The following ATP8B4 variants were observed in gnomAD, a reference collection of about 807,000 sequenced individuals.
ATP8B4 encodes the protein probable phospholipid-transporting ATPase IM.
A neutral mutation model predicts 145.6 loss-of-function variants in ATP8B4; 133 were observed. The observed-to-expected ratio is 0.91, with a 90% confidence interval of 0.79 to 1.05. The LOEUF (loss-of-function observed/expected upper bound fraction) is 1.05. ATP8B4 is among the 50% of genes least tolerant of loss of function. ATP8B4 has a pLI of 0.00. For synonymous variants in ATP8B4, 507 were observed against 492.9 expected (o/e 1.03, Z -0.38); for missense variants, 1,458 against 1,425.2 (o/e 1.02, Z -0.37).
At position 49,898,078 on chromosome 15, in the gene ATP8B4, G is replaced by A; in HGVS notation, c.2463C>T (p.Ser821=). Residue 821 remains serine, a synonymous_variant, in exon 22 of 28, where the codon AGC becomes AGT. Transcript: ENST00000284509. ...CAAATATCCTCTTACTTTTAATCATGCTGACATCATTGGCTCCATCACCAA... is the reference window on the plus strand; with the variant it reads ...CAAATATCCTCTTACTTTTAATCATACTGACATCATTGGCTCCATCACCAA... ...LAIGDGANDV[S]MIKSAHIGVG... 1 of 1,613,638 alleles carries A rather than the reference G, an allele frequency of 6.2e-7. No individual in the cohort carries two copies. The highest frequency in any genetic ancestry group is 8.5e-7 in the Non-Finnish European group (1 of 1,179,750).
chr15:50,003,070 A>G (rs2048023898), intron 7 of ATP8B4, among the ~76,000 whole-genome samples: 1 of 152,206 alleles, frequency 6.6e-6, no homozygotes, highest in African/African-American at 2.4e-5. Context: ...AATTTTAGCA[A>G]TTTAGTTTGA....
At chr15:49,910,875 A>G (rs2039155236) in intron 20 of ATP8B4, among the ~76,000 whole-genome samples, 1 of 152,128 alleles carries the variant, frequency 6.6e-6, no homozygotes, top group South Asian at 2.1e-4. Context: ...ATTCAACACT[A>G]CTAGAAAAGC....
chr15:50,044,742 A>G (rs763756693), intron 4 of ATP8B4, 50 bp from the exon 5 acceptor site: 2 of 1,318,458 alleles, frequency 1.5e-6, no homozygotes, highest in Admixed American at 3.5e-5. Flanking sequence ...TAGAAAATAT[A>G]TCTTCCAAAC....
chr15:49,879,374 A>C lies in ATP8B4; in HGVS notation c.2781+2T>G. On this transcript the variant is annotated splice_donor_variant, in intron 24 of 27. Transcript: ENST00000284509. LOFTEE classifies it high-confidence loss of function. ...AGTTATAAAGATGGAAAAAAAACATACCTGGTCAAAAATCCCCATGGCTAA... is the reference window on the plus strand; with the variant it reads ...AGTTATAAAGATGGAAAAAAAACATCCCTGGTCAAAAATCCCCATGGCTAA... 6.2e-7 allele frequency: 1 copy of C among 1,606,674 alleles called. No individual in the cohort carries two copies. Among genetic ancestry groups the C allele is most frequent in the Non-Finnish European group, 8.5e-7 (1 of 1,175,868 alleles).
intron 8 of ATP8B4, 38 bp downstream of exon 8, chr15:50,002,115 T>A: frequency 6.6e-7 from 1 of 1,523,968 alleles, no homozygotes; most frequent in Non-Finnish European, 9.0e-7. Context: ...TTAAATAAAT[T>A]AAAAACCAAC....
chr15:50,121,808 C>G (rs1024557908), upstream of ATP8B4, among the ~76,000 whole-genome samples: 2 of 152,140 alleles, frequency 1.3e-5, no homozygotes, highest in African/African-American at 4.8e-5. Context: ...TTACTTTTGA[C>G]AAACGTCCTT....
At chr15:49,885,096 C>A (rs887320584) in intron 23 of ATP8B4, among the ~76,000 whole-genome samples, 4 of 152,240 alleles carry the variant, frequency 2.6e-5, no homozygotes, top group African/African-American at 9.6e-5. Context: ...TTCGTCATGT[C>A]CTAAGAGCCC....
At chr15:50,127,144 A>G (rs1249020830) in intron 1 of ATP8B4, among the ~76,000 whole-genome samples, 1 of 152,174 alleles carries the variant, frequency 6.6e-6, no homozygotes, top group Admixed American at 6.5e-5. Context: ...GGTCAAACCA[A>G]TAGCCTCCAT....
chr15:49,937,783 A>G (rs985131948), intron 14 of ATP8B4, among the ~76,000 whole-genome samples: 1 of 152,234 alleles, frequency 6.6e-6, no homozygotes, highest in Non-Finnish European at 1.5e-5. Context: ...CCAGAATTTC[A>G]GGATATATCA....
At chr15:50,125,487 C>T (rs1022857358) in intron 1 of ATP8B4, among the ~76,000 whole-genome samples, 1 of 152,130 alleles carries the variant, frequency 6.6e-6, no homozygotes, top group African/African-American at 2.4e-5. Flanking sequence ...CATTCTTCAC[C>T]ATTTTCCAAG....
intron 3 of ATP8B4, among the ~76,000 whole-genome samples, chr15:50,060,552 T>C (rs1251334802): frequency 6.6e-6 from 1 of 152,158 alleles, no homozygotes; most frequent in Non-Finnish European, 1.5e-5. Context: ...ATACCTGCCA[T>C]GCAGAGTTGT....
At chr15:50,088,111 G>C (rs1439146113) in intron 2 of ATP8B4, among the ~76,000 whole-genome samples, 1 of 151,912 alleles carries the variant, frequency 6.6e-6, no homozygotes, top group Non-Finnish European at 1.5e-5. Context: ...ATCCAGGTTG[G>C]GCACGGTGGC....
intron 13 of ATP8B4, among the ~76,000 whole-genome samples, chr15:49,963,209 A>G (rs1410374109): frequency 6.6e-6 from 1 of 152,218 alleles, no homozygotes; most frequent in Admixed American, 6.5e-5. Context: ...GCAAATCAAA[A>G]CCACAATGAG....
rs1262817771 is a variant in ATP8B4 at position 50,054,803 on chromosome 15, A to AAC, written c.88-7340_88-7339insGT. ...CGCCTCAAAAAAAAAAAAAAAAAAA[A>AAC]AAAAAACAAAAAAAAAAAAACACCA... On this transcript the variant is annotated intron_variant, in intron 3 of 27. Coordinates refer to ENST00000284509, the MANE Select transcript of ATP8B4 (RefSeq NM_024837.4). Among the ~76,000 whole-genome samples the AAC allele has an allele frequency of 3.8e-3, 525 of 136,664 alleles. 7 individuals are homozygous for AAC. Among genetic ancestry groups the AAC allele is most frequent in the African/African-American group, 0.016 (508 of 31,038 alleles). 89.7% of individuals were successfully genotyped at this position (136,664 alleles called of 152,430 possible). A position where few individuals can be genotyped will look rare whatever the true frequency, so the allele number is the denominator to read the frequency against.
At chr15:49,944,610 A>G (rs1262040491) in intron 14 of ATP8B4, among the ~76,000 whole-genome samples, 2 of 152,170 alleles carry the variant, frequency 1.3e-5, no homozygotes, top group Non-Finnish European at 2.9e-5. Flanking sequence ...CAGCATTACA[A>G]TAATAGTAAG....
chr15:49,867,270 T>A (rs1467154297), intron 25 of ATP8B4, among the ~76,000 whole-genome samples: 1 of 152,236 alleles, frequency 6.6e-6, no homozygotes, highest in African/African-American at 2.4e-5. Flanking sequence ...TTTCTAGTAG[T>A]TTGTTGCAAG....
At chr15:49,929,595 T>C (rs1229713374) in intron 16 of ATP8B4, among the ~76,000 whole-genome samples, 1 of 151,996 alleles carries the variant, frequency 6.6e-6, no homozygotes, top group African/African-American at 2.4e-5. Context: ...GCTACCACCA[T>C]GTATGTGGTC....
intron 2 of ATP8B4, among the ~76,000 whole-genome samples, chr15:50,100,386 T>A (rs2056278902): frequency 6.6e-6 from 1 of 152,226 alleles, no homozygotes. Context: ...AATATACCAC[T>A]TATAGTGATG....
chr15:49,964,343 A>T (rs2153512974), intron 13 of ATP8B4, among the ~76,000 whole-genome samples: 1 of 152,282 alleles, frequency 6.6e-6, no homozygotes, highest in Non-Finnish European at 1.5e-5. Flanking sequence ...AGAAAAAAAA[A>T]ACTGTGTCTT....
Sources: gnomAD v4.1 joint callset for allele counts (sites outside exome capture counted in the v4.1 genomes callset) on GRCh38, gnomAD v4.1.1 for gene constraint, MANE v1.5 for transcripts, NCBI Gene and HGNC (gene_info 2026-07-23, HGNC 2026-07-21) for gene names.